Variants in TENM2 observed in about 807,000 individuals in gnomAD.
TENM2 encodes teneurin transmembrane protein 2, also known as teneurin-2.
In TENM2, 52 loss-of-function variants were observed where a neutral mutation model predicts 245.2. The observed-to-expected ratio is 0.21, with a 90% CI of 0.17 to 0.27. The LOEUF is 0.27. Among genes scored for constraint, TENM2 ranks in the 10% least tolerant of loss-of-function variants. The probability of loss-of-function intolerance (pLI) is 1.00; values close to 1 mark genes in which losing one functional copy is unlikely to be tolerated. For synonymous variants in TENM2, 1,363 were observed against 1,438.9 expected (o/e 0.95, Z 1.19); for missense variants, 3,046 against 3,666.8 (o/e 0.83, Z 4.37).
At chr5:167,408,156 A>G (rs1176572514) in intron 2 of TENM2, among the ~76,000 whole-genome samples, 1 of 152,146 alleles carries the variant, frequency 6.6e-6, no homozygotes. Flanking sequence ...TATCAGAGAC[A>G]AACTATAGAA....
chr5:168,038,945 T>A (rs1378147639), intron 5 of TENM2, among the ~76,000 whole-genome samples: 1 of 152,062 alleles, frequency 6.6e-6, no homozygotes, highest in African/African-American at 2.4e-5. Flanking sequence ...CTGGGAGCAG[T>A]TTGTTGAGGG....
intron 2 of TENM2, among the ~76,000 whole-genome samples, chr5:167,513,526 A>C (rs1261969378): frequency 6.6e-6 from 1 of 152,110 alleles, no homozygotes; most frequent in African/African-American, 2.4e-5. Flanking sequence ...AAGCCTCATT[A>C]CTTATGTTTC....
the TENM2 span, among the ~76,000 whole-genome samples, chr5:167,155,812 G>A: frequency 6.6e-6 from 1 of 152,222 alleles, no homozygotes. Context: ...ACGTGAAACT[G>A]ACAAGGATTT....
At chr5:167,078,609 C>T in the TENM2 span, among the ~76,000 whole-genome samples, 4 of 152,256 alleles carry the variant, frequency 2.6e-5, no homozygotes, top group Admixed American at 2.6e-4. Context: ...TTATTCCCAA[C>T]AGTCATGTTC....
intron 5 of TENM2, among the ~76,000 whole-genome samples, chr5:168,022,266 C>A (rs1040063994): frequency 6.6e-6 from 1 of 152,222 alleles, no homozygotes; most frequent in African/African-American, 2.4e-5. Context: ...GGTATCACTC[C>A]GAGAGTCTCC....
chr5:167,036,443 A>T, the TENM2 span, among the ~76,000 whole-genome samples: 1 of 152,222 alleles, frequency 6.6e-6, no homozygotes, highest in Non-Finnish European at 1.5e-5. Context: ...CTTATAAATT[A>T]TCCTCTTCAA....
chr5:167,308,846 C>T (rs75856173), intron 1 of TENM2, among the ~76,000 whole-genome samples: 2,230 of 152,224 alleles, frequency 0.015, 25 homozygotes, highest in Non-Finnish European at 0.021. Context: ...AACGTGAAGA[C>T]ACACATACAA....
At chr5:167,544,861 G>A (rs1252363597) in intron 2 of TENM2, among the ~76,000 whole-genome samples, 1 of 152,180 alleles carries the variant, frequency 6.6e-6, no homozygotes, top group Admixed American at 6.5e-5. Flanking sequence ...AGTAATATGT[G>A]TGTAATTGGG....
intron 2 of TENM2, among the ~76,000 whole-genome samples, chr5:167,528,143 T>C (rs937054126): frequency 6.6e-6 from 1 of 152,154 alleles, no homozygotes; most frequent in Non-Finnish European, 1.5e-5. Flanking sequence ...AGCCTGACGA[T>C]TTGGAGGCTG....
intron 2 of TENM2, among the ~76,000 whole-genome samples, chr5:167,715,612 A>C (rs565770597): frequency 3.3e-5 from 5 of 152,346 alleles, no homozygotes; most frequent in African/African-American, 1.2e-4. Context: ...CCTAGGGACA[A>C]TAAGACTAAG....
chr5:167,058,761 G>A, the TENM2 span, among the ~76,000 whole-genome samples: 84 of 151,966 alleles, frequency 5.5e-4, 1 homozygote, highest in African/African-American at 1.9e-3. Flanking sequence ...TTAAGAGGGG[G>A]GCGGGGAAAA....
intron 2 of TENM2, among the ~76,000 whole-genome samples, chr5:167,600,007 G>A (rs142734892): frequency 2.1e-5 from 3 of 145,690 alleles, no homozygotes; most frequent in Admixed American, 1.4e-4. Flanking sequence ...TTAGCCAGAC[G>A]TGGTGGTGGG....
intron 27 of TENM2, among the ~76,000 whole-genome samples, chr5:168,253,556 G>C (rs1158096830): frequency 1.3e-5 from 2 of 151,814 alleles, no homozygotes; most frequent in Non-Finnish European, 2.9e-5. Context: ...CCGCGGAGTA[G>C]CTGGAACTAC....
chr5:168,206,831 T>C (rs985648830), intron 19 of TENM2, among the ~76,000 whole-genome samples: 4 of 152,114 alleles, frequency 2.6e-5, no homozygotes, highest in Non-Finnish European at 5.9e-5. Flanking sequence ...AGGGTGGAAA[T>C]ATTTCATCTG....
intron 1 of TENM2, among the ~76,000 whole-genome samples, chr5:167,302,600 AG>A (rs766318029): frequency 6.7e-6 from 1 of 150,058 alleles, no homozygotes; most frequent in Non-Finnish European, 1.5e-5. Context: ...ATAAGAGGTC[AG>A]GGCGTGGAAA....
the TENM2 span, among the ~76,000 whole-genome samples, chr5:167,021,655 A>G: frequency 6.6e-6 from 1 of 152,186 alleles, no homozygotes; most frequent in Non-Finnish European, 1.5e-5. Flanking sequence ...CCTGACTCAA[A>G]CATCTTTGTC....
intron 1 of TENM2, among the ~76,000 whole-genome samples, chr5:167,325,333 T>G (rs1319661578): frequency 6.6e-6 from 1 of 152,200 alleles, no homozygotes; most frequent in African/African-American, 2.4e-5. Flanking sequence ...AAATACGGTT[T>G]AAATATAGTT....
chr5:167,802,630 A>G (rs1765864964), intron 2 of TENM2, among the ~76,000 whole-genome samples: 1 of 152,156 alleles, frequency 6.6e-6, no homozygotes, highest in Admixed American at 6.5e-5. Context: ...GTTGAGGGGT[A>G]CCCAAGGTGT....
At chr5:167,929,059 G>GAGAAAGAAAGAAAGAAA (rs1778012234) in intron 3 of TENM2, among the ~76,000 whole-genome samples, 2 of 77,442 alleles carry the variant, frequency 2.6e-5, no homozygotes, top group African/African-American at 9.5e-5. Flanking sequence ...GAAAGAAAGA[G>GAGAAAGAAAGAAAGAAA]AGAAAGAAAG....
Sources: allele counts gnomAD v4.1 joint callset (sites outside exome capture counted in the v4.1 genomes callset), GRCh38; gene constraint gnomAD v4.1.1; transcripts MANE v1.5; gene names NCBI Gene and HGNC (gene_info 2026-07-23, HGNC 2026-07-21).